The following RPS6KA3 variants were observed in gnomAD, a reference collection of about 807,000 sequenced individuals.
RPS6KA3 encodes ribosomal protein S6 kinase A3.
RPS6KA3 carries 4 observed loss-of-function variants against 67.2 expected under a neutral mutation model. The observed-to-expected ratio is 0.06, with a 90% CI of 0.03 to 0.14. RPS6KA3 has a LOEUF of 0.14. Among genes scored for constraint, RPS6KA3 ranks in the 10% least tolerant of loss-of-function variants. The pLI is 1.00. For missense variants in RPS6KA3, 204 were observed against 559.0 expected (o/e 0.36, Z 6.40); for synonymous variants, 182 against 183.7 (o/e 0.99, Z 0.07).
chrX:20,266,990 C>T, upstream of RPS6KA3: 1 of 753,168 alleles, frequency 1.3e-6, no homozygotes, highest in South Asian at 6.7e-5. Context: ...GAACAGCGAC[C>T]GCCGCGCGCT....
intron 7 of RPS6KA3, among the ~76,000 whole-genome samples, chrX:20,189,122 C>T (rs767316656): frequency 1.8e-5 from 2 of 111,284 alleles, no homozygotes; most frequent in African/African-American, 6.5e-5. Flanking sequence ...ATCATTGTTT[C>T]CTTATTTTTT....
chrX:20,178,228 G>C (rs2067747244), intron 10 of RPS6KA3, among the ~76,000 whole-genome samples: 1 of 110,291 alleles, frequency 9.1e-6, no homozygotes, highest in Non-Finnish European at 1.9e-5. Flanking sequence ...GGAACAGTAG[G>C]GGATATTTAA....
chrX:20,155,220 CT>C lies in RPS6KA3; in HGVS notation c.*177del. ...CGAAGCTCCAGGAAAATCTAACTTG[CT>C]AACAATCATTTAAAGCGAGAAGAGA... On this transcript the variant is annotated 3_prime_UTR_variant, in exon 22 of 22. Transcript: ENST00000379565. 1.9e-6 allele frequency: 1 copy of C among 533,764 alleles called. No homozygotes were observed. Among genetic ancestry groups the C allele is most frequent in the East Asian group, 3.4e-5 (1 of 29,531 alleles). The allele number at this position is 533,764 out of a possible 1,213,427, so 44.0% of individuals were successfully genotyped here.
intron 2 of RPS6KA3, among the ~76,000 whole-genome samples, chrX:20,220,954 G>A (rs1289938655): frequency 9.0e-6 from 1 of 110,932 alleles, no homozygotes; most frequent in Non-Finnish European, 1.9e-5. Context: ...AATTTTAAAA[G>A]GTCTTTACAT....
intron 21 of RPS6KA3, 98 bp from the exon 22 acceptor site, chrX:20,155,618 A>C (rs764076073): frequency 1.0e-6 from 1 of 997,683 alleles, no homozygotes; most frequent in Non-Finnish European, 1.4e-6. Flanking sequence ...AAATGTACAT[A>C]GATTTTATTT....
At chrX:20,252,540 G>T (rs979357204) in intron 1 of RPS6KA3, among the ~76,000 whole-genome samples, 12 of 110,468 alleles carry the variant, frequency 1.1e-4, no homozygotes, top group African/African-American at 4.0e-4. Context: ...TTTTGTTGCA[G>T]ATGGGTGGGA....
At chrX:20,177,127 C>G (rs781701212) in intron 10 of RPS6KA3, 43 bp from the exon 11 acceptor site, 1 of 939,112 alleles carries the variant, frequency 1.1e-6, no homozygotes, top group Non-Finnish European at 1.5e-6. Flanking sequence ...TTGGAGGCAT[C>G]TGTATTTTTA....
chrX:20,176,359 G>C lies in RPS6KA3; in HGVS notation c.1000-7C>G. 8.7e-7 allele frequency: 1 copy of C among 1,146,264 alleles called. No individual in the cohort carries two copies. The highest frequency in any genetic ancestry group is 1.2e-6 in the Non-Finnish European group (1 of 840,045). The allele number at this position is 1,146,264 out of a possible 1,213,427, so 94.5% of individuals were successfully genotyped here. ...TTTCTCTTCTATACAGTTTCTGGAG[G>C]GGAAAAAAAAAAGAGACTTAGACAT... On this transcript the variant is annotated splice_polypyrimidine_tract_variant and splice_region_variant and intron_variant, in intron 12 of 21. Coordinates refer to ENST00000379565, the MANE Select transcript of RPS6KA3 (RefSeq NM_004586.3).
intron 8 of RPS6KA3, 140 bp from the exon 9 acceptor site, chrX:20,188,110 G>T: frequency 1.7e-6 from 1 of 573,293 alleles, no homozygotes; most frequent in Non-Finnish European, 2.8e-6. Flanking sequence ...GTCTCGCTCT[G>T]TCACCCAGGC....
At chrX:20,222,557 TATC>T (rs1447291815) in intron 2 of RPS6KA3, among the ~76,000 whole-genome samples, 1 of 111,979 alleles carries the variant, frequency 8.9e-6, no homozygotes, top group Admixed American at 9.5e-5. Flanking sequence ...CAGTACAAAC[TATC>T]ATCTATTGCC....
intron 2 of RPS6KA3, among the ~76,000 whole-genome samples, chrX:20,220,074 T>G (rs2068950515): frequency 9.0e-6 from 1 of 111,306 alleles, no homozygotes; most frequent in South Asian, 3.7e-4. Flanking sequence ...TTCAGTTTAG[T>G]ACCCATTTAT....
rs901142496 is a variant in RPS6KA3 at position 20,218,931 on chromosome X, C to A, written c.127-9527G>T. 2.2e-5 allele frequency: 16 copies of A among 718,471 alleles called. No homozygotes were observed. The African/African-American group carries it at 3.2e-4, about 15-fold the overall frequency. 59.2% of individuals were successfully genotyped at this position (718,471 alleles called of 1,213,427 possible). ...AAGCCCCTGCAAAGTTTTCTCCTAC[C>A]AGCTGTTCCGGCAATTAGAAAATTT... is the stretch of plus-strand genomic sequence containing the variant. On this transcript the variant is annotated intron_variant, in intron 2 of 21. Transcript: ENST00000379565.
At chrX:20,239,923 C>T (rs2069506695) in intron 1 of RPS6KA3, among the ~76,000 whole-genome samples, 1 of 111,321 alleles carries the variant, frequency 9.0e-6, no homozygotes, top group South Asian at 3.7e-4. Context: ...CTTTATTAAG[C>T]AGATTGCTTT....
chrX:20,230,228 A>G (rs1256761180), intron 2 of RPS6KA3, among the ~76,000 whole-genome samples: 1 of 112,278 alleles, frequency 8.9e-6, no homozygotes, highest in Non-Finnish European at 1.9e-5. Flanking sequence ...AAAACAAGGA[A>G]TAAGTCAGAC....
intron 7 of RPS6KA3, among the ~76,000 whole-genome samples, chrX:20,191,399 C>T (rs749420750): frequency 2.7e-5 from 3 of 111,405 alleles, no homozygotes; most frequent in Non-Finnish European, 3.8e-5. Context: ...AATGGGATTG[C>T]TGGGTCAAAC....
intron 2 of RPS6KA3, among the ~76,000 whole-genome samples, chrX:20,214,774 T>A (rs1180200200): frequency 9.0e-6 from 1 of 110,886 alleles, no homozygotes; most frequent in East Asian, 2.8e-4. Context: ...ATATTGTACG[T>A]CTGAAATGGA....
At chrX:20,167,443 G>C in intron 17 of RPS6KA3, 146 bp downstream of exon 17, 1 of 552,193 alleles carries the variant, frequency 1.8e-6, no homozygotes, top group Non-Finnish European at 3.1e-6. Flanking sequence ...AATAATAAAA[G>C]TTTATATAGA....
At chrX:20,201,563 T>C (rs908650265) in intron 4 of RPS6KA3, among the ~76,000 whole-genome samples, 3 of 112,028 alleles carry the variant, frequency 2.7e-5, no homozygotes, top group African/African-American at 6.5e-5. Flanking sequence ...TGGTATTTCT[T>C]ATCAATTCCT....
At chrX:20,218,266 C>T (rs2068905908) in intron 2 of RPS6KA3, among the ~76,000 whole-genome samples, 1 of 112,057 alleles carries the variant, frequency 8.9e-6, no homozygotes, top group Non-Finnish European at 1.9e-5. Flanking sequence ...ATTGTTCCTA[C>T]TCTAAGTCAG....
Sources: allele counts gnomAD v4.1 joint callset (sites outside exome capture counted in the v4.1 genomes callset), GRCh38; gene constraint gnomAD v4.1.1; transcripts MANE v1.5; gene names NCBI Gene and HGNC (gene_info 2026-07-23, HGNC 2026-07-21).